CCDC136: variants seen among roughly 807,000 people sequenced by gnomAD.
CCDC136 encodes coiled-coil domain-containing protein 136.
CCDC136 carries 100 observed loss-of-function variants against 141.2 expected under a neutral mutation model. The ratio of observed to expected loss-of-function variants is 0.71; its 90% CI spans 0.60 to 0.84. The LOEUF is 0.84. CCDC136 is among the 40% of genes least tolerant of loss of function. The probability of loss-of-function intolerance (pLI) is 0.00; values close to 1 mark genes in which losing one functional copy is unlikely to be tolerated. For synonymous variants in CCDC136, 474 were observed against 531.9 expected, an observed-to-expected ratio of 0.89 and a Z score of 1.50; for missense variants, 1,206 against 1,379.4, an observed-to-expected ratio of 0.87 and a Z score of 1.99.
chr7:128,812,299 C>T lies in CCDC136; in HGVS notation c.2528C>T (p.Pro843Leu). 6.2e-7 allele frequency: 1 copy of T among 1,611,878 alleles called. No individual in the cohort carries two copies. The highest frequency in any genetic ancestry group is 8.5e-7 in the Non-Finnish European group (1 of 1,179,138). The change falls in exon 13 of 18, where the codon CCT becomes CTT. Residue 843 changes from proline to leucine, a missense_variant. Transcript: ENST00000297788. Reference protein sequence around the residue: ...SSCTDEEPAEPEDMERFEEMV... With the variant: ...SSCTDEEPAELEDMERFEEMV... ...TGCACTGACGAGGAACCTGCTGAGC[C>T]TGAAGACATGGAGGTAATGGTTGCC...
Position 128,812,182 on chromosome 7 carries a change from A to G in CCDC136, c.2411A>G (p.Tyr804Cys), listed in dbSNP as rs775226981. 1 of 1,614,028 alleles carries G rather than the reference A, an allele frequency of 6.2e-7. No individual in the cohort carries two copies. The highest frequency in any genetic ancestry group is 8.5e-7 in the Non-Finnish European group (1 of 1,179,888). ...GCCAGTGAGGCCTATGGGAAGAGTT[A>G]CTGCACTACCAGCAACAGCAGCATT... Reference protein sequence around the residue: ...TSASEAYGKSYCTTSNSSITY... With the variant: ...TSASEAYGKSCCTTSNSSITY... The change falls in exon 13 of 18, where the codon TAC (tyrosine) becomes TGC (cysteine). Residue 804 changes from tyrosine (Y) to cysteine (C), a missense_variant. Transcript: ENST00000297788.
At position 128,800,148 on chromosome 7, in the gene CCDC136, G is replaced by A. The variant is rs1223830696; in HGVS notation, c.347-1038G>A. On this transcript the variant is annotated intron_variant, in intron 3 of 17. Transcript: ENST00000297788. ...ATATACTATACATAAAATATTTTTT[G>A]CAAAAATTAGATCATAGCATATATT... is the stretch of plus-strand genomic sequence containing the variant. 2.6e-5 allele frequency among the ~76,000 whole-genome samples: 4 copies of A among 151,778 alleles called. No homozygotes were observed. The East Asian group carries it at 7.7e-4, about 29-fold the overall frequency.
upstream of CCDC136, chr7:128,791,357 G>A (rs980564128): frequency 6.1e-6 from 3 of 488,062 alleles, no homozygotes; most frequent in Non-Finnish European, 9.5e-6. The surrounding 1 kb of genome is among the most constrained non-coding windows in gnomAD (Gnocchi z 7.1). Flanking sequence ...CGAGCGGCGG[G>A]GGGCGGTGTC....
Position 128,794,293 on chromosome 7 carries a change from G to C in CCDC136, c.17-55G>C. The C allele has an allele frequency of 6.4e-7, 1 of 1,550,960 alleles. No individual in the cohort carries two copies. ...ATAGTGAGTTTGAGGGCCCTGGAAGGACGGCAGAAAGGAAGTTGATGCTGA... is the reference window on the plus strand; with the variant it reads ...ATAGTGAGTTTGAGGGCCCTGGAAGCACGGCAGAAAGGAAGTTGATGCTGA... On this transcript the variant is annotated intron_variant, in intron 1 of 17. Coordinates refer to ENST00000297788, the MANE Select transcript of CCDC136 (RefSeq NM_022742.5). The surrounding 1 kb of genome is among the most constrained non-coding windows in gnomAD (Gnocchi z 4.3).
Position 128,792,418 on chromosome 7 carries a change from G to A in CCDC136, c.7G>A (p.Ala3Thr). The change falls in exon 1 of 18, where the codon GCT (alanine) becomes ACT (threonine). Residue 3 changes from alanine (A) to threonine (T), a missense_variant. Physicochemically the swap from Ala to Thr is moderately conservative, Grantham distance 58. Transcript: ENST00000297788. Reference protein sequence around the residue: MQAMEGEVLLPAL... With the variant: MQTMEGEVLLPAL... ...GTCCCTGGAACGACGGGGGATGCAAGCTATGGAGGGTGAGTTTTCCCAAAA... is the reference window on the plus strand; with the variant it reads ...GTCCCTGGAACGACGGGGGATGCAAACTATGGAGGGTGAGTTTTCCCAAAA... 1 of 1,608,532 alleles carries A rather than the reference G, an allele frequency of 6.2e-7. No homozygotes were observed. Among genetic ancestry groups the A allele is most frequent in the Non-Finnish European group, 8.5e-7 (1 of 1,177,456 alleles).
chr7:128,796,350 G>A (rs886615530), intron 3 of CCDC136, among the ~76,000 whole-genome samples: 1 of 152,120 alleles, frequency 6.6e-6, no homozygotes, highest in African/African-American at 2.4e-5. Flanking sequence ...AGGCCCAGAG[G>A]TGAGAATGAG....
At position 128,805,587 on chromosome 7, in the gene CCDC136, CT is replaced by C. The variant is rs1241241130; in HGVS notation, c.948+64del. On this transcript the variant is annotated intron_variant, in intron 6 of 17. Coordinates refer to ENST00000297788, the MANE Select transcript of CCDC136 (RefSeq NM_022742.5). This position sits in a 1 kb window ranked among gnomAD's most constrained non-coding sequence, Gnocchi z 4.6. ...TGTCTTTCTTTCACCTTCTCCCAGC[CT>C]GTGGTAGAAACATCTCCATAGGCAT... 7 of 1,552,708 alleles carry C rather than the reference CT, an allele frequency of 4.5e-6. No homozygotes were observed. Among genetic ancestry groups the C allele is most frequent in the Non-Finnish European group, 6.1e-6 (7 of 1,143,632 alleles).
chr7:128,805,233 G>A lies in CCDC136; in HGVS notation c.783-126G>A. On this transcript the variant is annotated intron_variant, in intron 5 of 17. Transcript: ENST00000297788. This position sits in a 1 kb window ranked among gnomAD's most constrained non-coding sequence, Gnocchi z 4.6. ...TCTTTTAAGCATGTTTATCTGAGCGGTGAGTCACAATAGAAGGCCCCTTAC... is the reference window on the plus strand; with the variant it reads ...TCTTTTAAGCATGTTTATCTGAGCGATGAGTCACAATAGAAGGCCCCTTAC... The A allele has an allele frequency of 1.3e-6, 1 of 747,886 alleles. No individual in the cohort carries two copies. Among genetic ancestry groups the A allele is most frequent in the Non-Finnish European group, 2.3e-6 (1 of 442,196 alleles). 46.3% of individuals were successfully genotyped at this position (747,886 alleles called of 1,614,324 possible).
At position 128,805,145 on chromosome 7, in the gene CCDC136, C is replaced by G. The variant is rs552333631; in HGVS notation, c.783-214C>G. Among the ~76,000 whole-genome samples the G allele has an allele frequency of 6.6e-6, 1 of 152,302 alleles. No individual in the cohort carries two copies. Among genetic ancestry groups the G allele is most frequent in the East Asian group, 1.9e-4 (1 of 5,172 alleles). On this transcript the variant is annotated intron_variant, in intron 5 of 17. Coordinates refer to ENST00000297788, the MANE Select transcript of CCDC136 (RefSeq NM_022742.5). This position sits in a 1 kb window ranked among gnomAD's most constrained non-coding sequence, Gnocchi z 4.6. ...AGCCTCAAAACTAACTGGACTGGCA[C>G]TCTAAGGGTCTCCCAGAGCCAAACA...
Position 128,812,099 on chromosome 7 carries a change from C to A in CCDC136, c.2328C>A (p.Tyr776Ter). The A allele has an allele frequency of 1.2e-6, 2 of 1,614,050 alleles. No homozygotes were observed. The highest frequency in any genetic ancestry group is 1.7e-6 in the Non-Finnish European group (2 of 1,179,888). Reference sequence around the variant, plus strand: ...ACAATGAGAGCTATTACAAGAGTTACACCAGCACCCAGACCAGCAGCAAGA... The same window carrying A: ...ACAATGAGAGCTATTACAAGAGTTAAACCAGCACCCAGACCAGCAGCAAGA... Reference protein sequence around the residue: ...VDDNESYYKSYTSTQTSSKSF... With the variant: ...VDDNESYYKS Residue 776 changes from tyrosine to a stop codon, truncating the protein, a stop_gained, in exon 13 of 18, where the codon TAC becomes TAA. Coordinates refer to ENST00000297788, the MANE Select transcript of CCDC136 (RefSeq NM_022742.5). LOFTEE classifies it high-confidence loss of function.
intron 3 of CCDC136, among the ~76,000 whole-genome samples, chr7:128,798,135 T>C (rs1358849208): frequency 2.7e-5 from 4 of 149,052 alleles, no homozygotes; most frequent in African/African-American, 9.8e-5. Flanking sequence ...GCCAGGATGG[T>C]CTCGATCTCC....
At chr7:128,807,254 C>A in intron 9 of CCDC136, 106 bp from the exon 10 acceptor site, 2 of 784,654 alleles carry the variant, frequency 2.5e-6, no homozygotes, top group South Asian at 4.1e-5. Context: ...GAAATTGGGG[C>A]TGAGAAGGAC....
At chr7:128,807,753 T>C (rs1227796414) in intron 10 of CCDC136, 6 of 371,636 alleles carry the variant, frequency 1.6e-5, no homozygotes, top group African/African-American at 4.2e-5. Context: ...ATCAATACCT[T>C]TGGATCCCAG....
intron 17 of CCDC136, among the ~76,000 whole-genome samples, chr7:128,820,301 A>C (rs928840409): frequency 4.6e-5 from 7 of 152,222 alleles, no homozygotes; most frequent in African/African-American, 1.2e-4. Context: ...TGCAAAGATC[A>C]TAGAAAATTC....
chr7:128,791,408 T>TC (rs1802141433), upstream of CCDC136: 1 of 965,572 alleles, frequency 1.0e-6, no homozygotes, highest in African/African-American at 1.7e-5. This position sits in a 1 kb window ranked among gnomAD's most constrained non-coding sequence, Gnocchi z 7.1. Context: ...CCGCCCTCCC[T>TC]CCCTCCCTGC....
At chr7:128,820,479 A>G (rs1807295416) in intron 17 of CCDC136, among the ~76,000 whole-genome samples, 1 of 152,218 alleles carries the variant, frequency 6.6e-6, no homozygotes, top group Non-Finnish European at 1.5e-5. Flanking sequence ...CACGGGTCAC[A>G]TTTAAGGATT....
chr7:128,815,348 A>G (rs555231193), intron 15 of CCDC136, among the ~76,000 whole-genome samples: 13 of 152,326 alleles, frequency 8.5e-5, no homozygotes, highest in Admixed American at 2.0e-4. Flanking sequence ...GGAAGCAACA[A>G]TTTAGGTGCA....
chr7:128,791,696 G>A (rs2128890027), upstream of CCDC136: 1 of 518,246 alleles, frequency 1.9e-6, no homozygotes, highest in Non-Finnish European at 3.0e-6. The surrounding 1 kb of genome is among the most constrained non-coding windows in gnomAD (Gnocchi z 7.1). Flanking sequence ...GGCCTCCACC[G>A]GGGCCCGGTC....
Position 128,814,622 on chromosome 7 carries a change from C to T in CCDC136, c.2764-16C>T. 1 of 1,520,920 alleles carries T rather than the reference C, an allele frequency of 6.6e-7. No homozygotes were observed. The highest frequency in any genetic ancestry group is 8.8e-7 in the Non-Finnish European group (1 of 1,134,386). 94.2% of individuals were successfully genotyped at this position (1,520,920 alleles called of 1,614,324 possible). A position where few individuals can be genotyped will look rare whatever the true frequency, so the allele number is the denominator to read the frequency against. Reference sequence around the variant, plus strand: ...AACCAGCCAACTCTGGGTAACTGGCCCTCCACTACCAACAGATCAAAGAAC... The same window carrying T: ...AACCAGCCAACTCTGGGTAACTGGCTCTCCACTACCAACAGATCAAAGAAC... On this transcript the variant is annotated splice_polypyrimidine_tract_variant and intron_variant, in intron 14 of 17. Coordinates refer to ENST00000297788, the MANE Select transcript of CCDC136 (RefSeq NM_022742.5).
Sources: allele counts gnomAD v4.1 joint callset (sites outside exome capture counted in the v4.1 genomes callset), GRCh38; gene constraint gnomAD v4.1.1; non-coding constraint Gnocchi (gnomAD v3.1); transcripts MANE v1.5; gene names NCBI Gene and HGNC (gene_info 2026-07-23, HGNC 2026-07-21).